Variants in ANKZF1 observed in about 807,000 individuals in gnomAD.
ANKZF1 encodes the protein ankyrin repeat and zinc finger peptidyl tRNA hydrolase 1.
In ANKZF1, 84 loss-of-function variants were observed where a neutral mutation model predicts 86.0. The ratio of observed to expected loss-of-function variants is 0.98; its 90% CI spans 0.82 to 1.17. The LOEUF is 1.17. Among genes scored for constraint, ANKZF1 ranks in the 50% most tolerant of loss-of-function variants. The probability of loss-of-function intolerance (pLI) is 0.00; values close to 1 mark genes in which losing one functional copy is unlikely to be tolerated. For missense variants in ANKZF1, 893 were observed against 918.4 expected (o/e 0.97, Z 0.36); for synonymous variants, 331 against 354.2 (o/e 0.93, Z 0.74).
chr2:219,233,735 A>G lies in ANKZF1; in HGVS notation c.840A>G (p.Ala280=). The G allele has an allele frequency of 1.9e-6, 3 of 1,613,238 alleles. No individual in the cohort carries two copies. The highest frequency in any genetic ancestry group is 2.5e-6 in the Non-Finnish European group (3 of 1,179,674). Residue 280 remains alanine (A), a synonymous_variant, in exon 8 of 14, where the codon GCA becomes GCG. Coordinates refer to ENST00000323348, the MANE Select transcript of ANKZF1 (RefSeq NM_018089.3). ...TLYKDVRDLL[A]GPSWAKALEE... ...TCTAGGATGTTCGTGACCTGCTGGC[A>G]GGGCCAAGCTGGGCTAAGGCGCTGG...
At position 219,231,949 on chromosome 2, in the gene ANKZF1, C is replaced by T; in HGVS notation, c.170C>T (p.Pro57Leu). The T allele has an allele frequency of 6.2e-7, 1 of 1,613,820 alleles. No individual in the cohort carries two copies. Among genetic ancestry groups the T allele is most frequent in the Non-Finnish European group, 8.5e-7 (1 of 1,179,920 alleles). ...TTAGGCTCAGGGGAGAGAGAAAGCC[C>T]AGAAAGAAAGCTACTCCAGGGTCCT... ...SCSGSGERES[P>L]ERKLLQGPMD... The change falls in exon 3 of 14, where the codon CCA (proline) becomes CTA (leucine). Residue 57 changes from proline to leucine, a missense_variant. Coordinates refer to ENST00000323348, the MANE Select transcript of ANKZF1 (RefSeq NM_018089.3).
rs540477795 is a variant in ANKZF1, at chr2:219,235,826, G to A, written c.1922G>A (p.Arg641His). Reference sequence around the variant, plus strand: ...CAGAGGCAGCAGGAGCAGGAGGAGCGTGAACGAGAAGAGCAGCGGCGATTT... The same window carrying A: ...CAGAGGCAGCAGGAGCAGGAGGAGCATGAACGAGAAGAGCAGCGGCGATTT... ...QQQRQQEQEE[R>H]EREEQRRFAA... is the part of the protein sequence containing the mutation. The change falls in exon 12 of 14, where the codon CGT becomes CAT. Residue 641 changes from arginine to histidine, a missense_variant. Coordinates refer to ENST00000323348, the MANE Select transcript of ANKZF1 (RefSeq NM_018089.3). 265 of 1,614,234 alleles carry A rather than the reference G, an allele frequency of 1.6e-4. 2 individuals are homozygous for A. In the South Asian group the frequency reaches 2.3e-3, roughly 14 times the overall value.
intron 5 of ANKZF1, 171 bp downstream of exon 5, chr2:219,232,854 A>C: frequency 2.3e-6 from 2 of 861,164 alleles, no homozygotes; most frequent in Admixed American, 5.7e-5. Flanking sequence ...GGAAGGGTTA[A>C]GTGTAATGGA....
intron 1 of ANKZF1, 139 bp downstream of exon 1, chr2:219,230,039 ATTC>A: frequency 2.0e-6 from 1 of 488,190 alleles, no homozygotes; most frequent in South Asian, 3.0e-5. Flanking sequence ...TGCCTATTTC[ATTC>A]TTTTGTGGGC....
chr2:219,233,386 T>G lies in ANKZF1; in HGVS notation c.772T>G (p.Ser258Ala). 1 of 1,614,208 alleles carries G rather than the reference T, an allele frequency of 6.2e-7. No homozygotes were observed. Among genetic ancestry groups the G allele is most frequent in the Non-Finnish European group, 8.5e-7 (1 of 1,180,034 alleles). The change falls in exon 7 of 14, where the codon TCT becomes GCT. Residue 258 changes from serine (S) to alanine (A), a missense_variant. Coordinates refer to ENST00000323348, the MANE Select transcript of ANKZF1 (RefSeq NM_018089.3). ...LRDARGGPSH[S>A]AGANLRRYNE... ...GGATGCCCGAGGTGGGCCATCACAC[T>G]CTGCTGGAGCCAACCTGAGGCGCTA...
Position 219,233,281 on chromosome 2 carries a change from T to C in ANKZF1, c.672-5T>C, listed in dbSNP as rs1951096821. On this transcript the variant is annotated splice_polypyrimidine_tract_variant and splice_region_variant and intron_variant, in intron 6 of 13. Transcript: ENST00000323348. Reference sequence around the variant, plus strand: ...TCTCCAGTACTGAGTCTGTGCTGTCTACAGAAGAGAAGTGGTGACACACAA... The same window carrying C: ...TCTCCAGTACTGAGTCTGTGCTGTCCACAGAAGAGAAGTGGTGACACACAA... 6.2e-7 allele frequency: 1 copy of C among 1,614,226 alleles called. No homozygotes were observed. Among genetic ancestry groups the C allele is most frequent in the Non-Finnish European group, 8.5e-7 (1 of 1,180,040 alleles).
rs749144113 is a variant in ANKZF1 at position 219,234,914 on chromosome 2, A to C, written c.1293A>C (p.Glu431Asp). Residue 431 changes from glutamate (E) to aspartate (D), a missense_variant, in exon 10 of 14, where the codon GAA (glutamate) becomes GAC (aspartate). Physicochemically the swap from Glu to Asp is conservative, Grantham distance 45. Coordinates refer to ENST00000323348, the MANE Select transcript of ANKZF1 (RefSeq NM_018089.3). ...GGACTCTGGATCTTTGTGAGTCTGA[A>C]GTATTGCCCAAGCGGAGGAGGAGAA... ...TVGTLDLCES[E>D]VLPKRRRRKR... The C allele has an allele frequency of 1.2e-6, 2 of 1,614,066 alleles. No individual in the cohort carries two copies. The highest frequency in any genetic ancestry group is 1.1e-5 in the South Asian group (1 of 91,092).
Position 219,235,888 on chromosome 2 carries a change from G to A in ANKZF1, c.1971+13G>A. ...TGACCGAGAGAAGGTGAGGCTGGAG[G>A]TTCTCTTGTCCATGGCAAGGCTTCC... On this transcript the variant is annotated intron_variant, in intron 12 of 13. Transcript: ENST00000323348. 6.2e-7 allele frequency: 1 copy of A among 1,614,036 alleles called. No homozygotes were observed. Among genetic ancestry groups the A allele is most frequent in the Non-Finnish European group, 8.5e-7 (1 of 1,179,908 alleles).
At chr2:219,231,294 C>T (rs1951026128) in intron 2 of ANKZF1, 3 of 214,786 alleles carry the variant, frequency 1.4e-5, no homozygotes, top group Non-Finnish European at 2.1e-5. Context: ...GAGAGGGCTA[C>T]GTTGGAGAAG....
In ANKZF1 at chr2:219,236,100, G is replaced by A. The variant is rs181688677; in HGVS notation, c.2057+5G>A. ...CTCTGCAATCGTCAATACTCGGTAT[G>A]GGGTGCGGGATGAGGGAGTGGGTGG... On this transcript the variant is annotated splice_donor_5th_base_variant and intron_variant, in intron 13 of 13. Transcript: ENST00000323348. 3.0e-4 allele frequency: 480 copies of A among 1,614,208 alleles called. 1 individual carries two copies. The African/African-American group carries it at 4.8e-3, about 16-fold the overall frequency.
At position 219,233,049 on chromosome 2, in the gene ANKZF1, A is replaced by T. The variant is rs559130571; in HGVS notation, c.559-30A>T. The T allele has an allele frequency of 2.5e-6, 4 of 1,599,482 alleles. No individual in the cohort carries two copies. In the South Asian group the frequency reaches 4.4e-5, roughly 18 times the overall value. ...TTCTTGCTCTCAGTGAATGCAACAG[A>T]TATGTTTCTGATGCTTCTCTGTCAT... On this transcript the variant is annotated intron_variant, in intron 5 of 13. Coordinates refer to ENST00000323348, the MANE Select transcript of ANKZF1 (RefSeq NM_018089.3).
chr2:219,232,718 G>A, intron 5 of ANKZF1, 35 bp downstream of exon 5: 1 of 1,594,180 alleles, frequency 6.3e-7, no homozygotes, highest in Non-Finnish European at 8.5e-7. Flanking sequence ...GCTAACCCCA[G>A]CCTTTTGTAC....
intron 5 of ANKZF1, 37 bp downstream of exon 5, chr2:219,232,720 C>T (rs766695833): frequency 6.3e-7 from 1 of 1,588,044 alleles, no homozygotes; most frequent in Non-Finnish European, 8.6e-7. Context: ...TAACCCCAGC[C>T]TTTTGTACAC....
chr2:219,232,203 A>G, intron 3 of ANKZF1, 57 bp from the exon 4 acceptor site: 3 of 1,561,708 alleles, frequency 1.9e-6, no homozygotes, highest in Non-Finnish European at 2.6e-6. Flanking sequence ...CTTGGCCAGT[A>G]CAAGGCCAGG....
chr2:219,233,557 A>T, intron 7 of ANKZF1, 124 bp downstream of exon 7: 1 of 1,407,918 alleles, frequency 7.1e-7, no homozygotes, highest in Non-Finnish European at 9.5e-7. Flanking sequence ...AGGTAGACAA[A>T]GGTAGATGAG....
intron 13 of ANKZF1, 110 bp from the exon 14 acceptor site, chr2:219,236,212 T>G: frequency 6.2e-7 from 1 of 1,603,224 alleles, no homozygotes; most frequent in Non-Finnish European, 8.5e-7. Flanking sequence ...TTTGGGATGT[T>G]CTGGCAGATG....
rs758715019 is a variant in ANKZF1 at position 219,236,391 on chromosome 2, C to T, written c.2127C>T (p.Cys709=). The T allele has an allele frequency of 5.0e-6, 8 of 1,613,868 alleles. No individual in the cohort carries two copies. The highest frequency in any genetic ancestry group is 8.5e-7 in the Non-Finnish European group (1 of 1,179,918). ...TTCACTACCTCGACTTCTCTTTCTG[C>T]TCCACACGTTGCCTCCAGGATCATC... is the stretch of plus-strand genomic sequence containing the variant. ...TPFHYLDFSF[C]STRCLQDHRR... is the part of the protein sequence containing the mutation. Residue 709 remains cysteine (C), a synonymous_variant, in exon 14 of 14, where the codon TGC becomes TGT. Coordinates refer to ENST00000323348, the MANE Select transcript of ANKZF1 (RefSeq NM_018089.3).
Position 219,233,833 on chromosome 2 carries a change from C to T in ANKZF1, c.938C>T (p.Pro313Leu), listed in dbSNP as rs1211885769. 1 of 1,613,978 alleles carries T rather than the reference C, an allele frequency of 6.2e-7. No individual in the cohort carries two copies. The highest frequency in any genetic ancestry group is 1.7e-5 in the Admixed American group (1 of 59,990). ...RSLFFGGKGA[P>L]LQRGDPRLWD... ...TTGTTCTTTGGAGGCAAGGGAGCAC[C>T]CCTGCAAAGGGGGGATCCCCGACTT... The change falls in exon 8 of 14, where the codon CCC (proline) becomes CTC (leucine). Residue 313 changes from proline (P) to leucine (L), a missense_variant. Pro to Leu is a moderately conservative substitution (Grantham distance 98). Coordinates refer to ENST00000323348, the MANE Select transcript of ANKZF1 (RefSeq NM_018089.3).
Position 219,236,356 on chromosome 2 carries a change from C to T in ANKZF1, c.2092C>T (p.Leu698=). 6.2e-7 allele frequency: 1 copy of T among 1,614,152 alleles called. No homozygotes were observed. Among genetic ancestry groups the T allele is most frequent in the South Asian group, 1.1e-5 (1 of 91,086 alleles). ...GAGTTGTGGGGCATCCCTCCAAGGC[C>T]TGACTCCCTTTCACTACCTCGACTT... ...CWSCGASLQG[L]TPFHYLDFSF... Residue 698 remains leucine (L), a synonymous_variant, in exon 14 of 14, where the codon CTG becomes TTG. Transcript: ENST00000323348.
Sources: allele counts gnomAD v4.1 joint callset, GRCh38; gene constraint gnomAD v4.1.1; transcripts MANE v1.5; gene names NCBI Gene and HGNC (gene_info 2026-07-23, HGNC 2026-07-21).